Variants in ANKS1B observed in about 807,000 individuals in gnomAD.
The protein encoded by ANKS1B is ankyrin repeat and sterile alpha motif domain-containing protein 1B.
A neutral mutation model predicts 148.3 loss-of-function variants in ANKS1B; 36 were observed. The ratio of observed to expected loss-of-function variants is 0.24; its 90% CI spans 0.19 to 0.32. The LOEUF (loss-of-function observed/expected upper bound fraction) is 0.32, where lower values mean the gene tolerates loss of function less well. Among genes scored for constraint, ANKS1B ranks in the 10% least tolerant of loss-of-function variants. The pLI, the probability that ANKS1B is intolerant of heterozygous loss-of-function variation, is 1.00. For missense variants in ANKS1B, 1,157 were observed against 1,542.6 expected (o/e 0.75, Z 4.19); for synonymous variants, 542 against 560.8 (o/e 0.97, Z 0.47).
rs559516389 is a variant in ANKS1B at position 99,783,283 on chromosome 12, T to G, written c.670-1186A>C. 7.4e-4 allele frequency among the ~76,000 whole-genome samples: 113 copies of G among 152,268 alleles called. 1 individual carries two copies. The highest frequency in any genetic ancestry group is 1.1e-3 in the Non-Finnish European group (73 of 68,008). Reference sequence around the variant, plus strand: ...CATCATAGCCTAGACTAGCCTACTTTAAATATGCTCAGAACACTTACATTA... The same window carrying G: ...CATCATAGCCTAGACTAGCCTACTTGAAATATGCTCAGAACACTTACATTA... On this transcript the variant is annotated intron_variant, in intron 4 of 26. Transcript: ENST00000683438.
chr12:99,707,966 AAATGGGC>A (rs2056075814), intron 8 of ANKS1B, among the ~76,000 whole-genome samples: 1 of 152,162 alleles, frequency 6.6e-6, no homozygotes. Flanking sequence ...ACAATGAGCC[AAATGGGC>A]AATCACTGAG....
At chr12:99,323,372 T>C (rs2085685562) in intron 12 of ANKS1B, among the ~76,000 whole-genome samples, 1 of 152,238 alleles carries the variant, frequency 6.6e-6, no homozygotes, top group Non-Finnish European at 1.5e-5. Flanking sequence ...TTTATGTGCA[T>C]CATTTTACTA....
At chr12:99,045,302 A>T (rs1055784345) in intron 17 of ANKS1B, among the ~76,000 whole-genome samples, 1 of 152,158 alleles carries the variant, frequency 6.6e-6, no homozygotes, top group Non-Finnish European at 1.5e-5. Context: ...GCCCCACCTA[A>T]TACATTCATG....
intron 22 of ANKS1B, chr12:98,794,754 C>G: frequency 9.0e-7 from 1 of 1,115,524 alleles, no homozygotes. Flanking sequence ...AATAAAACTA[C>G]TGATGCAATG....
intron 8 of ANKS1B, among the ~76,000 whole-genome samples, chr12:99,680,669 A>T (rs2098609183): frequency 6.6e-6 from 1 of 152,170 alleles, no homozygotes; most frequent in African/African-American, 2.4e-5. Context: ...ATAAACACAG[A>T]AACTGCGGCA....
chr12:99,661,142 A>G (rs2098475593), intron 8 of ANKS1B, among the ~76,000 whole-genome samples: 2 of 152,154 alleles, frequency 1.3e-5, no homozygotes, highest in African/African-American at 4.8e-5. Context: ...AGACCTCCAC[A>G]AACAAGTTTT....
exon 10 of ANKS1B, chr12:98,734,944 C>G (rs923798637): frequency 2.7e-6 from 1 of 365,480 alleles, no homozygotes; most frequent in Non-Finnish European, 4.8e-6. Flanking sequence ...TTGAATGGCC[C>G]TTGTCTTAAA....
intron 17 of ANKS1B, among the ~76,000 whole-genome samples, chr12:98,901,654 T>A (rs938165958): frequency 5.9e-5 from 9 of 152,230 alleles, no homozygotes; most frequent in Non-Finnish European, 1.3e-4. Context: ...TGTTAGCATA[T>A]GTTAATAGAG....
chr12:99,527,240 TTTGATTAA>T (rs1245628562), intron 9 of ANKS1B, among the ~76,000 whole-genome samples: 2 of 152,156 alleles, frequency 1.3e-5, no homozygotes, highest in Admixed American at 1.3e-4. Flanking sequence ...TTGAAAAACT[TTTGATTAA>T]TCTCTTAGCA....
intron 9 of ANKS1B, among the ~76,000 whole-genome samples, chr12:99,625,778 A>T (rs1320893373): frequency 6.6e-6 from 1 of 152,150 alleles, no homozygotes; most frequent in African/African-American, 2.4e-5. Context: ...GGAGAGGATG[A>T]GAATATAGAG....
At chr12:99,527,983 C>G (rs547319622) in intron 9 of ANKS1B, among the ~76,000 whole-genome samples, 1 of 151,880 alleles carries the variant, frequency 6.6e-6, no homozygotes, top group South Asian at 2.1e-4. Context: ...TACTACAAGG[C>G]TACAGTAACC....
chr12:99,889,610 C>T (rs1314374090), intron 1 of ANKS1B, among the ~76,000 whole-genome samples: 4 of 152,138 alleles, frequency 2.6e-5, no homozygotes, highest in Non-Finnish European at 4.4e-5. Flanking sequence ...CCATATGAGT[C>T]TGAATGCTGA....
At chr12:99,873,065 T>C (rs1430384610) in intron 1 of ANKS1B, among the ~76,000 whole-genome samples, 2 of 152,212 alleles carry the variant, frequency 1.3e-5, no homozygotes, top group Non-Finnish European at 2.9e-5. Context: ...AGAATGGGGA[T>C]GATGTGACTA....
chr12:99,320,277 C>T (rs139340598), intron 12 of ANKS1B, among the ~76,000 whole-genome samples: 170 of 152,248 alleles, frequency 1.1e-3, no homozygotes, highest in Non-Finnish European at 1.8e-3. Flanking sequence ...GATAATATCT[C>T]GCAGAGTGTT....
chr12:99,812,748 T>C (rs1191768209), intron 2 of ANKS1B, among the ~76,000 whole-genome samples: 1 of 151,576 alleles, frequency 6.6e-6, no homozygotes, highest in Non-Finnish European at 1.5e-5. Context: ...ATATCTGAGA[T>C]TTAGTTTGAA....
chr12:99,651,609 T>A (rs1485567177), intron 9 of ANKS1B, among the ~76,000 whole-genome samples: 4 of 152,186 alleles, frequency 2.6e-5, no homozygotes, highest in Admixed American at 6.5e-5. Flanking sequence ...TCAATCTCTT[T>A]TTAAATTGTA....
chr12:99,280,705 G>A (rs186569970), intron 12 of ANKS1B, among the ~76,000 whole-genome samples: 3 of 152,264 alleles, frequency 2.0e-5, no homozygotes, highest in Admixed American at 6.5e-5. Flanking sequence ...GACTGCCTTT[G>A]GGCTAAGATG....
At chr12:99,480,227 T>C (rs750375604) in intron 10 of ANKS1B, among the ~76,000 whole-genome samples, 10 of 151,900 alleles carry the variant, frequency 6.6e-5, no homozygotes, top group African/African-American at 1.4e-4. Flanking sequence ...CACAACTCTT[T>C]GTGTCCTTCT....
intron 12 of ANKS1B, among the ~76,000 whole-genome samples, chr12:99,248,251 A>G (rs2074122181): frequency 6.6e-6 from 1 of 152,206 alleles, no homozygotes; most frequent in Admixed American, 6.5e-5. Context: ...GATTGGCCCC[A>G]GGTGTCTATA....
Sources: gnomAD v4.1 joint callset for allele counts (sites outside exome capture counted in the v4.1 genomes callset) on GRCh38, gnomAD v4.1.1 for gene constraint, MANE v1.5 for transcripts, NCBI Gene and HGNC (gene_info 2026-07-23, HGNC 2026-07-21) for gene names.